Variants in DCX observed in about 807,000 individuals in gnomAD.
DCX encodes the protein doublecortin, also known as neuronal migration protein doublecortin.
DCX carries 4 observed loss-of-function variants against 20.9 expected under a neutral mutation model. The observed-to-expected ratio is 0.19, with a 90% confidence interval of 0.09 to 0.44. The LOEUF is 0.44. Ranked by LOEUF, DCX falls within the 20% of genes least tolerant of loss-of-function variation. The pLI, the probability that DCX is intolerant of heterozygous loss-of-function variation, is 0.99. For synonymous variants in DCX, 103 were observed against 111.4 expected (o/e 0.92, Z 0.47); for missense variants, 133 against 296.9 (o/e 0.45, Z 4.06).
At chrX:111,380,569 G>A (rs917852783) in intron 3 of DCX, among the ~76,000 whole-genome samples, 9 of 110,913 alleles carry the variant, frequency 8.1e-5, no homozygotes, top group African/African-American at 2.9e-4. Flanking sequence ...GTAAACTTGT[G>A]GTAAGTTTGA....
chrX:111,356,640 A>G (rs765208905), intron 3 of DCX, among the ~76,000 whole-genome samples: 1 of 112,356 alleles, frequency 8.9e-6, no homozygotes. Context: ...GAAAAATGCC[A>G]TAAAATATGA....
chrX:111,378,956 A>T (rs1374900615), intron 3 of DCX, among the ~76,000 whole-genome samples: 3 of 111,724 alleles, frequency 2.7e-5, no homozygotes, highest in Non-Finnish European at 5.7e-5. Context: ...CCATGTGAGG[A>T]CAGTCTTCCT....
chrX:111,369,852 C>T (rs1924937298), intron 3 of DCX, among the ~76,000 whole-genome samples: 1 of 111,711 alleles, frequency 9.0e-6, no homozygotes, highest in Admixed American at 9.5e-5. Flanking sequence ...GGGTCCACAA[C>T]AGAGTCCTGC....
In DCX at chrX:111,359,305, G is replaced by A. The variant is rs918200756; in HGVS notation, c.706-26152C>T. Among the ~76,000 whole-genome samples, 3 of 111,815 alleles carry A rather than the reference G, an allele frequency of 2.7e-5. No individual in the cohort carries two copies. In the Admixed American group the frequency reaches 2.9e-4, roughly 11 times the overall value. On this transcript the variant is annotated intron_variant, in intron 3 of 6. Transcript: ENST00000636035. Reference sequence around the variant, plus strand: ...TTATTGTGTGATCAAGGTGGCATCAGTGGAGAAACAATTATTTTATAAATT... The same window carrying A: ...TTATTGTGTGATCAAGGTGGCATCAATGGAGAAACAATTATTTTATAAATT...
At chrX:111,362,360 A>G (rs1205956205) in intron 3 of DCX, among the ~76,000 whole-genome samples, 2 of 110,748 alleles carry the variant, frequency 1.8e-5, no homozygotes, top group Non-Finnish European at 3.8e-5. Flanking sequence ...TATTGGCAAT[A>G]TATCACTGGA....
At chrX:111,379,575 A>G (rs1029789883) in intron 3 of DCX, among the ~76,000 whole-genome samples, 1 of 112,168 alleles carries the variant, frequency 8.9e-6, no homozygotes, top group Admixed American at 9.5e-5. Context: ...ATAATATTCC[A>G]TTGCATGAAT....
rs183486910 is a variant in DCX at position 111,340,142 on chromosome X, G to A, written c.706-6989C>T. Among the ~76,000 whole-genome samples the A allele has an allele frequency of 7.8e-4, 88 of 112,543 alleles. No homozygotes were observed. The Middle Eastern group carries it at 0.014, about 18-fold the overall frequency. On this transcript the variant is annotated intron_variant, in intron 3 of 6. Coordinates refer to ENST00000636035, the MANE Select transcript of DCX (RefSeq NM_001195553.2). ...ATTTTAGCTCCCTGGGTCGGGGAAG[G>A]GCAGCACTCATCTCTATAGCTCCAG...
chrX:111,387,213 C>T (rs1926590228), intron 3 of DCX, among the ~76,000 whole-genome samples: 1 of 110,773 alleles, frequency 9.0e-6, no homozygotes, highest in Non-Finnish European at 1.9e-5. Context: ...TGTTATGGAC[C>T]CATGAAAAGG....
intron 3 of DCX, among the ~76,000 whole-genome samples, chrX:111,354,004 C>T (rs758705450): frequency 1.4e-4 from 16 of 112,001 alleles, no homozygotes; most frequent in African/African-American, 5.2e-4. Flanking sequence ...TGTACTTACA[C>T]AATTAAGCTC....
chrX:111,391,955 G>A lies in DCX; in HGVS notation c.705+9035C>T, dbSNP rs193117862. 3.9e-3 allele frequency among the ~76,000 whole-genome samples: 434 copies of A among 111,599 alleles called. 2 individuals carry two copies. Among genetic ancestry groups the A allele is most frequent in the African/African-American group, 0.013 (410 of 30,754 alleles). ...AAATAAGAAACTTTGGTGGTTTGGG[G>A]GAGAATCTGTGACCCACTGGATTGA... is the stretch of plus-strand genomic sequence containing the variant. On this transcript the variant is annotated intron_variant, in intron 3 of 6. Coordinates refer to ENST00000636035, the MANE Select transcript of DCX (RefSeq NM_001195553.2).
At chrX:111,341,844 T>G (rs1468066452) in intron 3 of DCX, among the ~76,000 whole-genome samples, 9 of 110,865 alleles carry the variant, frequency 8.1e-5, no homozygotes. Context: ...TCATTACCAC[T>G]AGGCCTGCCT....
At chrX:111,311,421 T>C (rs189844532) in intron 6 of DCX, among the ~76,000 whole-genome samples, 102 of 112,334 alleles carry the variant, frequency 9.1e-4, no homozygotes, top group African/African-American at 3.2e-3. Context: ...CGGGCAGTGG[T>C]ATGCTATTAA....
chrX:111,379,693 T>G (rs1925815573), intron 3 of DCX, among the ~76,000 whole-genome samples: 1 of 112,030 alleles, frequency 8.9e-6, no homozygotes, highest in Non-Finnish European at 1.9e-5. Flanking sequence ...CAAGGTTTTC[T>G]GTAGACATAC....
At chrX:111,385,150 C>T (rs1343130532) in intron 3 of DCX, among the ~76,000 whole-genome samples, 1 of 112,349 alleles carries the variant, frequency 8.9e-6, no homozygotes, top group African/African-American at 3.2e-5. Flanking sequence ...TTTGCCAGCC[C>T]TCACAAACTG....
intron 3 of DCX, among the ~76,000 whole-genome samples, chrX:111,392,027 G>C (rs1371419020): frequency 9.0e-6 from 1 of 111,410 alleles, no homozygotes; most frequent in African/African-American, 3.3e-5. Flanking sequence ...AAGGTTAGGA[G>C]GGCCAAGGTA....
intron 5 of DCX, among the ~76,000 whole-genome samples, chrX:111,326,034 C>G (rs1411877112): frequency 1.8e-5 from 2 of 111,242 alleles, no homozygotes; most frequent in East Asian, 5.6e-4. Flanking sequence ...TTTCATGAAC[C>G]CTGCTGTTTT....
intron 3 of DCX, 74 bp downstream of exon 3, chrX:111,400,916 A>G (rs2147262488): frequency 1.1e-6 from 1 of 945,976 alleles, no homozygotes; most frequent in Non-Finnish European, 1.5e-6. Context: ...TCAACAAGAA[A>G]TGATATTTTA....
At chrX:111,331,641 CA>C (rs1003614409) in intron 4 of DCX, among the ~76,000 whole-genome samples, 1 of 112,209 alleles carries the variant, frequency 8.9e-6, no homozygotes. Context: ...AATGGGCCAG[CA>C]GTGACTCTGC....
chrX:111,384,983 A>T (rs1479972246), intron 3 of DCX, among the ~76,000 whole-genome samples: 1 of 112,670 alleles, frequency 8.9e-6, no homozygotes, highest in East Asian at 2.8e-4. Context: ...TTTAGTGTCA[A>T]AGCAGGAGTC....
Sources: gnomAD v4.1 joint callset for allele counts (sites outside exome capture counted in the v4.1 genomes callset) on GRCh38, gnomAD v4.1.1 for gene constraint, MANE v1.5 for transcripts, NCBI Gene and HGNC (gene_info 2026-07-23, HGNC 2026-07-21) for gene names.